Variants in TFEB observed in about 807,000 individuals in gnomAD.
The protein encoded by TFEB is T-cell transcription factor EB.
Under a neutral mutation model 48.0 loss-of-function variants are expected in TFEB, and 12 were observed. The ratio of observed to expected loss-of-function variants is 0.25; its 90% CI spans 0.16 to 0.40. The LOEUF (loss-of-function observed/expected upper bound fraction) is 0.40, where lower values mean the gene tolerates loss of function less well. Among genes scored for constraint, TFEB ranks in the 10% least tolerant of loss-of-function variants. TFEB has a pLI of 1.00. For synonymous variants in TFEB, 244 were observed against 261.4 expected, an observed-to-expected ratio of 0.93 and a Z score of 0.64; for missense variants, 509 against 640.3, an observed-to-expected ratio of 0.79 and a Z score of 2.21.
chr6:41,736,004 G>A (rs1385796212), upstream of TFEB: 3 of 1,054,918 alleles, frequency 2.8e-6, no homozygotes, highest in African/African-American at 1.6e-5. Context: ...GGAGTAGGGT[G>A]CAGGACCTGG....
chr6:41,728,371 G>A (rs768488400), intron 1 of TFEB, among the ~76,000 whole-genome samples: 1 of 152,168 alleles, frequency 6.6e-6, no homozygotes, highest in Non-Finnish European at 1.5e-5. Context: ...GGCAGCGCCA[G>A]CTGCCCTCTG....
chr6:41,727,205 G>A (rs1240429574), intron 1 of TFEB, among the ~76,000 whole-genome samples: 1 of 152,246 alleles, frequency 6.6e-6, no homozygotes, highest in African/African-American at 2.4e-5. Flanking sequence ...GAGGCTGACT[G>A]TGAGAAAGGT....
chr6:41,731,615 A>T (rs574280688), intron 1 of TFEB, among the ~76,000 whole-genome samples: 11 of 151,494 alleles, frequency 7.3e-5, no homozygotes, highest in Non-Finnish European at 4.4e-5. Context: ...CAAAGCAGAG[A>T]CCTGCCCAGC....
intron 1 of TFEB, among the ~76,000 whole-genome samples, chr6:41,715,080 G>A (rs1362027294): frequency 2.6e-5 from 4 of 152,108 alleles, no homozygotes; most frequent in African/African-American, 9.7e-5. Flanking sequence ...ATGGGGAGTG[G>A]GAGGACCACC....
intron 3 of TFEB, 101 bp downstream of exon 3, chr6:41,690,562 G>T: frequency 1.5e-6 from 2 of 1,353,842 alleles, no homozygotes; most frequent in Non-Finnish European, 1.9e-6. Context: ...GAGTCTCCCT[G>T]AAGGCACCCC....
Position 41,723,457 on chromosome 6 carries a change from A to G in TFEB, c.-23+11893T>C. The G allele has an allele frequency of 7.8e-7, 1 of 1,286,740 alleles. No homozygotes were observed. The highest frequency in any genetic ancestry group is 1.2e-5 in the South Asian group (1 of 80,958). The allele number at this position is 1,286,740 out of a possible 1,614,324, so 79.7% of individuals were successfully genotyped here. ...CACACACATGCACGCGTGTGCTCTC[A>G]TACCTTCGAGAGGGCAGCCCCCTGG... On this transcript the variant is annotated intron_variant, in intron 1 of 8. Transcript: ENST00000373033. This position sits in a 1 kb window ranked among gnomAD's most constrained non-coding sequence, Gnocchi z 6.0.
At chr6:41,700,358 C>T (rs904715449) in intron 1 of TFEB, among the ~76,000 whole-genome samples, 2 of 150,384 alleles carry the variant, frequency 1.3e-5, no homozygotes, top group African/African-American at 4.9e-5. Context: ...CCCAGCTACT[C>T]AAGAGGCTGA....
At position 41,734,067 on chromosome 6, in the gene TFEB, A is replaced by T. The variant is rs1429698187; in HGVS notation, c.-23+1283T>A. On this transcript the variant is annotated intron_variant, in intron 1 of 8. Transcript: ENST00000373033. The surrounding 1 kb of genome is among the most constrained non-coding windows in gnomAD (Gnocchi z 4.0). The stretch of plus-strand genomic sequence containing the variant: ...GGATGGGGGGAGGGCAGAGGATGGG[A>T]GCTGGGCAGTAATTAACCTGCACTT... The T allele has an allele frequency of 5.3e-6, 1 of 189,528 alleles. No homozygotes were observed. Among genetic ancestry groups the T allele is most frequent in the African/African-American group, 2.4e-5 (1 of 42,004 alleles). 11.7% of individuals were successfully genotyped at this position (189,528 alleles called of 1,614,324 possible). A position where few individuals can be genotyped will look rare whatever the true frequency, so the allele number is the denominator to read the frequency against.
chr6:41,690,135 CT>C (rs58821024), intron 3 of TFEB, among the ~76,000 whole-genome samples: 16,730 of 145,664 alleles, frequency 0.11, 1,028 homozygotes, highest in African/African-American at 0.17. Flanking sequence ...TTTCTTTTTT[CT>C]TTTTTTTTTT....
chr6:41,711,920 G>A (rs941326383), intron 1 of TFEB, among the ~76,000 whole-genome samples: 3 of 152,222 alleles, frequency 2.0e-5, no homozygotes, highest in African/African-American at 7.2e-5. Flanking sequence ...AAGCTGAGGA[G>A]GTGGATGGCT....
In TFEB at chr6:41,686,025, C is replaced by T. The variant is rs571617224; in HGVS notation, c.951+65G>A. ...CCAACTTCAGAAGTACAAGTACTGC[C>T]CCTTAGGGCCAGGAGCCAGGTTAAG... On this transcript the variant is annotated intron_variant, in intron 8 of 8. Transcript: ENST00000373033. The T allele has an allele frequency of 3.1e-6, 5 of 1,603,732 alleles. No individual in the cohort carries two copies. In the South Asian group the frequency reaches 3.3e-5, roughly 11 times the overall value.
rs1423104955 is a variant in TFEB at position 41,732,982 on chromosome 6, T to C, written c.-23+2368A>G. Reference sequence around the variant, plus strand: ...GTTGCCTGCAGAAACCGAGTTGACTTTGAAAAGGAAGAGACAGAACCCAGG... The same window carrying C: ...GTTGCCTGCAGAAACCGAGTTGACTCTGAAAAGGAAGAGACAGAACCCAGG... On this transcript the variant is annotated intron_variant, in intron 1 of 8. Coordinates refer to ENST00000373033, the MANE Select transcript of TFEB (RefSeq NM_001271944.2). The C allele has an allele frequency of 3.0e-6, 3 of 985,416 alleles. No homozygotes were observed. The East Asian group carries it at 3.4e-4, about 112-fold the overall frequency. 61.0% of individuals were successfully genotyped at this position (985,416 alleles called of 1,614,324 possible).
chr6:41,726,066 G>T (rs937707475), intron 1 of TFEB, among the ~76,000 whole-genome samples: 6 of 152,100 alleles, frequency 3.9e-5, no homozygotes, highest in African/African-American at 1.4e-4. Flanking sequence ...CTGAGATCGC[G>T]CCACTGCACT....
intron 1 of TFEB, among the ~76,000 whole-genome samples, chr6:41,712,992 C>T (rs941966091): frequency 2.6e-5 from 4 of 152,196 alleles, no homozygotes; most frequent in South Asian, 2.1e-4. Flanking sequence ...TGCTCGCTTG[C>T]GAGGCATTTT....
At chr6:41,697,040 T>G (rs1446060073) in intron 1 of TFEB, among the ~76,000 whole-genome samples, 1 of 152,160 alleles carries the variant, frequency 6.6e-6, no homozygotes, top group Admixed American at 6.5e-5. Context: ...TTACAATAAT[T>G]TGTACAGCTG....
intron 7 of TFEB, 58 bp from the exon 8 acceptor site, chr6:41,686,295 T>C: frequency 1.2e-6 from 2 of 1,601,138 alleles, no homozygotes; most frequent in African/African-American, 2.7e-5. Flanking sequence ...GCCAAATCCT[T>C]GCTACTGCTC....
At chr6:41,735,256 C>T in intron 1 of TFEB, 94 bp downstream of exon 1, 4 of 965,374 alleles carry the variant, frequency 4.1e-6, no homozygotes, top group Non-Finnish European at 4.9e-6. Context: ...CCCACCCTCC[C>T]ACCTGTCTCC....
In TFEB at chr6:41,684,405, GC is replaced by G; in HGVS notation, c.*193del. 1.7e-6 allele frequency: 1 copy of G among 589,598 alleles called. No homozygotes were observed. Among genetic ancestry groups the G allele is most frequent in the Non-Finnish European group, 2.7e-6 (1 of 376,946 alleles). 36.5% of individuals were successfully genotyped at this position (589,598 alleles called of 1,614,324 possible). A position where few individuals can be genotyped will look rare whatever the true frequency, so the allele number is the denominator to read the frequency against. On this transcript the variant is annotated 3_prime_UTR_variant, in exon 9 of 9. Transcript: ENST00000373033. Reference sequence around the variant, plus strand: ...TCCCACTGCGCCAGTCAAGAGGGCTGCCCTGGGGGTGCTTCTCCTGACCCCA... The same window carrying G: ...TCCCACTGCGCCAGTCAAGAGGGCTGCCTGGGGGTGCTTCTCCTGACCCCA...
At position 41,691,972 on chromosome 6, in the gene TFEB, T is replaced by G. The variant is rs1028106139; in HGVS notation, c.-22-737A>C. Among the ~76,000 whole-genome samples the G allele has an allele frequency of 6.6e-6, 1 of 152,096 alleles. No homozygotes were observed. Among genetic ancestry groups the G allele is most frequent in the African/African-American group, 2.4e-5 (1 of 41,398 alleles). ...CAGGACCTTTGCACTTGCTGTTCCC[T>G]CTGCCTGGAATGCTCTCCCCCCAGA... On this transcript the variant is annotated intron_variant, in intron 1 of 8. Coordinates refer to ENST00000373033, the MANE Select transcript of TFEB (RefSeq NM_001271944.2). This position sits in a 1 kb window ranked among gnomAD's most constrained non-coding sequence, Gnocchi z 5.2.
Sources: allele counts gnomAD v4.1 joint callset (sites outside exome capture counted in the v4.1 genomes callset), GRCh38; gene constraint gnomAD v4.1.1; non-coding constraint Gnocchi (gnomAD v3.1); transcripts MANE v1.5; gene names NCBI Gene and HGNC (gene_info 2026-07-23, HGNC 2026-07-21).